RAB3C: variants seen among roughly 807,000 people sequenced by gnomAD.
The protein encoded by RAB3C is ras-related protein Rab-3C.
In RAB3C, 17 loss-of-function variants were observed where a neutral mutation model predicts 26.4. That is an observed-to-expected ratio of 0.64 (90% CI 0.44 to 0.97). The LOEUF is 0.97. Ranked by LOEUF, RAB3C falls within the 50% of genes least tolerant of loss-of-function variation. The probability of loss-of-function intolerance (pLI) is 0.00; values close to 1 mark genes in which losing one functional copy is unlikely to be tolerated. For synonymous variants in RAB3C, 91 were observed against 95.9 expected, an observed-to-expected ratio of 0.95 and a Z score of 0.30; for missense variants, 242 against 281.9, an observed-to-expected ratio of 0.86 and a Z score of 1.01.
At chr5:58,681,362 A>T (rs1248294074) in intron 2 of RAB3C, among the ~76,000 whole-genome samples, 1 of 152,228 alleles carries the variant, frequency 6.6e-6, no homozygotes, top group Non-Finnish European at 1.5e-5. Flanking sequence ...GAAGGAAATG[A>T]AACTGGTACT....
At chr5:58,633,312 GTAAGCCCCTTTAGAGATGGCAGA>G (rs1311462196) in intron 2 of RAB3C, among the ~76,000 whole-genome samples, 4 of 152,146 alleles carry the variant, frequency 2.6e-5, no homozygotes, top group Non-Finnish European at 4.4e-5. Flanking sequence ...CATCCATGGG[GTAAGCCCCTTTAGAGATGGCAGA>G]TCTTATGGAA....
chr5:58,803,672 C>G (rs1044285517), intron 3 of RAB3C, among the ~76,000 whole-genome samples: 3 of 152,112 alleles, frequency 2.0e-5, no homozygotes, highest in African/African-American at 4.8e-5. Context: ...AAGGACCAAT[C>G]CTTGACAGAA....
intron 3 of RAB3C, among the ~76,000 whole-genome samples, chr5:58,821,528 A>G (rs1743342893): frequency 6.6e-6 from 1 of 152,226 alleles, no homozygotes; most frequent in Admixed American, 6.5e-5. Flanking sequence ...CATAAGATTA[A>G]GTGAGGAAAA....
chr5:58,664,840 G>A (rs73100304), intron 2 of RAB3C, among the ~76,000 whole-genome samples: 2,304 of 152,020 alleles, frequency 0.015, 66 homozygotes, highest in African/African-American at 0.053. Context: ...GGCTCCTGAC[G>A]TCCCTTCCCA....
chr5:58,621,245 T>C (rs148851100), intron 2 of RAB3C, among the ~76,000 whole-genome samples: 47 of 152,354 alleles, frequency 3.1e-4, no homozygotes, highest in African/African-American at 1.1e-3. Context: ...CTATACCATT[T>C]TCTCTACCAA....
intron 2 of RAB3C, among the ~76,000 whole-genome samples, chr5:58,686,655 C>T (rs1403718926): frequency 6.6e-6 from 1 of 151,336 alleles, no homozygotes; most frequent in Non-Finnish European, 1.5e-5. Context: ...ATGTGTCTCT[C>T]TCTCACACAC....
intron 2 of RAB3C, among the ~76,000 whole-genome samples, chr5:58,709,337 A>AC (rs1749011522): frequency 1.3e-5 from 2 of 152,144 alleles, no homozygotes; most frequent in East Asian, 3.9e-4. Context: ...CATGGGACTC[A>AC]CCCTCTGTAC....
At chr5:58,659,337 A>G (rs1747848350) in intron 2 of RAB3C, among the ~76,000 whole-genome samples, 2 of 152,228 alleles carry the variant, frequency 1.3e-5, no homozygotes, top group Non-Finnish European at 1.5e-5. Flanking sequence ...TAATGCCTTC[A>G]CTATATGCTT....
intron 3 of RAB3C, among the ~76,000 whole-genome samples, chr5:58,730,214 G>T (rs1175388142): frequency 6.6e-6 from 1 of 151,248 alleles, no homozygotes; most frequent in Admixed American, 6.6e-5. Flanking sequence ...TTATTTATCT[G>T]TATTTCCTTT....
intron 2 of RAB3C, among the ~76,000 whole-genome samples, chr5:58,690,273 T>A (rs1180256525): frequency 6.6e-6 from 1 of 152,174 alleles, no homozygotes; most frequent in Non-Finnish European, 1.5e-5. Context: ...GGTAACTGAA[T>A]TCATTCCTGT....
chr5:58,750,873 G>A (rs1051160201), intron 3 of RAB3C, among the ~76,000 whole-genome samples: 1 of 150,688 alleles, frequency 6.6e-6, no homozygotes, highest in Non-Finnish European at 1.5e-5. Context: ...TATTCATTTT[G>A]AGATGGAGCC....
intron 3 of RAB3C, among the ~76,000 whole-genome samples, chr5:58,747,110 G>T (rs1741417199): frequency 6.6e-6 from 1 of 151,692 alleles, no homozygotes; most frequent in African/African-American, 2.4e-5. Context: ...AAATCTTCTG[G>T]TTTTTTTTCT....
chr5:58,786,945 G>A (rs1342791988), intron 3 of RAB3C, among the ~76,000 whole-genome samples: 1 of 151,860 alleles, frequency 6.6e-6, no homozygotes, highest in African/African-American at 2.4e-5. Context: ...GGATATCCGC[G>A]GCCAGTTGAA....
At chr5:58,702,419 A>G (rs1039784884) in intron 2 of RAB3C, among the ~76,000 whole-genome samples, 1 of 152,086 alleles carries the variant, frequency 6.6e-6, no homozygotes, top group Admixed American at 6.6e-5. Context: ...CAAAGCTTAC[A>G]TGCCATTTCT....
intron 1 of RAB3C, among the ~76,000 whole-genome samples, chr5:58,588,305 C>T (rs547269533): frequency 2.0e-5 from 3 of 152,164 alleles, no homozygotes; most frequent in Admixed American, 6.6e-5. Context: ...GTGGGAGGAC[C>T]GGCAATTCTC....
chr5:58,754,020 G>A (rs924003765), intron 3 of RAB3C, among the ~76,000 whole-genome samples: 17 of 151,972 alleles, frequency 1.1e-4, no homozygotes, highest in Admixed American at 3.3e-4. Context: ...GCTTGGGGTC[G>A]GGGGGTTGGA....
intron 2 of RAB3C, among the ~76,000 whole-genome samples, chr5:58,701,368 TG>T (rs1748839449): frequency 6.6e-6 from 1 of 152,168 alleles, no homozygotes; most frequent in Non-Finnish European, 1.5e-5. Context: ...ACCTTTGAAA[TG>T]CCTTCAGAAT....
chr5:58,782,369 G>A (rs1742290759), intron 3 of RAB3C, among the ~76,000 whole-genome samples: 1 of 152,038 alleles, frequency 6.6e-6, no homozygotes, highest in African/African-American at 2.4e-5. Flanking sequence ...TCCTCTAAGA[G>A]CCTTAAACCA....
At chr5:58,582,592 T>A (rs79497896), upstream of RAB3C, among the ~76,000 whole-genome samples, 4,737 of 152,158 alleles carry the variant, frequency 0.031, 219 homozygotes, top group African/African-American at 0.1. Context: ...CTACGTTTGG[T>A]GAATGAGATT....
Sources: gnomAD v4.1 joint callset for allele counts (sites outside exome capture counted in the v4.1 genomes callset) on GRCh38, gnomAD v4.1.1 for gene constraint, MANE v1.5 for transcripts, NCBI Gene and HGNC (gene_info 2026-07-23, HGNC 2026-07-21) for gene names.